Variants in RASAL2 observed in about 807,000 individuals in gnomAD.
RASAL2 encodes the protein ras GTPase-activating protein nGAP.
RASAL2 carries 58 observed loss-of-function variants against 128.9 expected under a neutral mutation model. The observed-to-expected ratio is 0.45, with a 90% confidence interval of 0.36 to 0.56. RASAL2 has a LOEUF of 0.56. RASAL2 is among the 20% of genes least tolerant of loss of function. The pLI is 0.00. For missense variants in RASAL2, 1,360 were observed against 1,601.6 expected (o/e 0.85, Z 2.57); for synonymous variants, 561 against 580.8 (o/e 0.97, Z 0.49).
chr1:178,328,785 A>G (rs949165447), intron 3 of RASAL2, among the ~76,000 whole-genome samples: 1 of 152,190 alleles, frequency 6.6e-6, no homozygotes, highest in African/African-American at 2.4e-5. Context: ...CCAGGTCTGT[A>G]TGACTTTAAA....
At position 178,283,657 on chromosome 1, in the gene RASAL2, A is replaced by C. The variant is rs756852015; in HGVS notation, c.296A>C (p.Asp99Ala). 32 of 1,613,678 alleles carry C rather than the reference A, an allele frequency of 2.0e-5. No homozygotes were observed. In the African/African-American group the frequency reaches 3.7e-4, roughly 19 times the overall value. The stretch of plus-strand genomic sequence containing the variant: ...GAGCGGAAGTATTGCATCCTCACAG[A>C]CAGCCAGTTGGTATTGCTCAACAAG... ...TWERKYCILTDSQLVLLNKEK... is the reference protein window; with the variant it reads ...TWERKYCILTASQLVLLNKEK... The change falls in exon 2 of 18, where the codon GAC becomes GCC. Residue 99 changes from aspartate (D) to alanine (A), a missense_variant. This residue lies in a region of RASAL2 where 617 missense variants were observed against 714.2 expected (regional missense o/e 0.86). Coordinates refer to ENST00000367649, the MANE Select transcript of RASAL2 (RefSeq NM_170692.4).
intron 1 of RASAL2, among the ~76,000 whole-genome samples, chr1:178,122,447 T>A (rs2102277704): frequency 6.6e-6 from 1 of 152,338 alleles, no homozygotes; most frequent in Non-Finnish European, 1.5e-5. Context: ...CATGGCCATT[T>A]GCTGAAATAT....
intron 1 of RASAL2, among the ~76,000 whole-genome samples, chr1:178,115,451 A>G (rs1659490995): frequency 6.6e-6 from 1 of 152,204 alleles, no homozygotes; most frequent in African/African-American, 2.4e-5. Context: ...AGGAAGTGAC[A>G]TTTGTACTAA....
intron 3 of RASAL2, among the ~76,000 whole-genome samples, chr1:178,301,312 G>A (rs921191530): frequency 8.5e-5 from 13 of 152,158 alleles, no homozygotes; most frequent in Non-Finnish European, 1.8e-4. Flanking sequence ...CTGTCTGGGT[G>A]TAACCATTTT....
chr1:178,152,274 A>C (rs933574908), intron 1 of RASAL2, among the ~76,000 whole-genome samples: 1 of 152,160 alleles, frequency 6.6e-6, no homozygotes, highest in African/African-American at 2.4e-5. Context: ...GGTGGTTCAC[A>C]TGGAGAGGGC....
intron 1 of RASAL2, among the ~76,000 whole-genome samples, chr1:178,197,285 G>A (rs921661260): frequency 9.9e-5 from 15 of 152,124 alleles, no homozygotes; most frequent in South Asian, 6.2e-4. Context: ...GTGAAACCTC[G>A]TCTCTATTAA....
intron 3 of RASAL2, among the ~76,000 whole-genome samples, chr1:178,363,630 G>C (rs1214643813): frequency 1.3e-5 from 2 of 152,178 alleles, no homozygotes; most frequent in East Asian, 3.8e-4. Flanking sequence ...AAATAACCAT[G>C]TCAAATACCC....
intron 1 of RASAL2, among the ~76,000 whole-genome samples, chr1:178,129,183 C>T (rs890378479): frequency 6.6e-6 from 1 of 152,118 alleles, no homozygotes. Context: ...ATAGCAGCTG[C>T]ACCATTCTGC....
chr1:178,471,962 A>G (rs189604600), intron 17 of RASAL2, among the ~76,000 whole-genome samples: 13 of 152,324 alleles, frequency 8.5e-5, no homozygotes, highest in Non-Finnish European at 1.3e-4. Context: ...CCCCTAAGGT[A>G]GTAAAACTCC....
chr1:178,117,706 G>A (rs371346740), intron 1 of RASAL2, among the ~76,000 whole-genome samples: 1 of 152,186 alleles, frequency 6.6e-6, no homozygotes, highest in African/African-American at 2.4e-5. Context: ...AAGAGGCACT[G>A]TCCATGAAGC....
Position 178,162,410 on chromosome 1 carries a change from A to T in RASAL2, c.202+67716A>T, listed in dbSNP as rs1284550882. On this transcript the variant is annotated intron_variant, in intron 1 of 17. Transcript: ENST00000367649. Reference sequence around the variant, plus strand: ...ATTATATATATTATATATTTTATATATTATATATAATATTATATATATTTT... The same window carrying T: ...ATTATATATATTATATATTTTATATTTTATATATAATATTATATATATTTT... 1.8e-3 allele frequency among the ~76,000 whole-genome samples: 221 copies of T among 119,650 alleles called. 1 individual carries two copies. The highest frequency in any genetic ancestry group is 3.1e-3 in the Non-Finnish European group (193 of 61,348). The allele number at this position is 119,650 out of a possible 152,430, so 78.5% of individuals were successfully genotyped here. A position where few individuals can be genotyped will look rare whatever the true frequency, so the allele number is the denominator to read the frequency against.
At chr1:178,411,521 C>T (rs769901314) in intron 4 of RASAL2, 3 of 570,788 alleles carry the variant, frequency 5.3e-6, no homozygotes, top group Non-Finnish European at 9.5e-6. Context: ...TGCAATCAGA[C>T]ATGACCTATT....
chr1:178,201,463 G>A (rs1443480954), intron 1 of RASAL2, among the ~76,000 whole-genome samples: 1 of 152,172 alleles, frequency 6.6e-6, no homozygotes, highest in Non-Finnish European at 1.5e-5. Flanking sequence ...TATACCCTTA[G>A]CGAAATGGAT....
chr1:178,154,378 G>A (rs1054923518), intron 1 of RASAL2, among the ~76,000 whole-genome samples: 7 of 151,896 alleles, frequency 4.6e-5, no homozygotes, highest in Admixed American at 4.6e-4. Context: ...TGAACTCCCG[G>A]GCTCAAGCAG....
At chr1:178,160,186 A>G (rs997227613) in intron 1 of RASAL2, among the ~76,000 whole-genome samples, 4 of 152,020 alleles carry the variant, frequency 2.6e-5, no homozygotes, top group African/African-American at 9.7e-5. Flanking sequence ...GAACTAGTAC[A>G]AAAGAAAAAA....
intron 1 of RASAL2, among the ~76,000 whole-genome samples, chr1:178,216,727 C>T (rs1441355010): frequency 2.0e-5 from 3 of 152,122 alleles, no homozygotes; most frequent in Non-Finnish European, 4.4e-5. Flanking sequence ...GCAGCCTCTG[C>T]CTCCTGGGTC....
chr1:178,334,961 TA>T (rs910462294), intron 3 of RASAL2, among the ~76,000 whole-genome samples: 25 of 149,106 alleles, frequency 1.7e-4, no homozygotes, highest in African/African-American at 4.9e-4. Context: ...GTCTAAAATT[TA>T]AAAAAAAAAT....
chr1:178,266,814 A>G (rs1418799770), intron 1 of RASAL2, among the ~76,000 whole-genome samples: 1 of 152,056 alleles, frequency 6.6e-6, no homozygotes, highest in African/African-American at 2.4e-5. Flanking sequence ...TGGCCCTCCC[A>G]CCCTAGCCTT....
At chr1:178,122,861 C>T (rs375881501) in intron 1 of RASAL2, among the ~76,000 whole-genome samples, 4 of 148,324 alleles carry the variant, frequency 2.7e-5, no homozygotes, top group Admixed American at 6.7e-5. Context: ...TGCTCACACA[C>T]TACTTTGGAT....
Sources: allele counts gnomAD v4.1 joint callset (sites outside exome capture counted in the v4.1 genomes callset), GRCh38; gene constraint gnomAD v4.1.1; regional missense constraint gnomAD v4.1.1; transcripts MANE v1.5; gene names NCBI Gene and HGNC (gene_info 2026-07-23, HGNC 2026-07-21).